Variants in COL8A1 observed in about 807,000 individuals in gnomAD.
The protein encoded by COL8A1 is collagen type VIII alpha 1 chain.
A neutral mutation model predicts 42.7 loss-of-function variants in COL8A1; 21 were observed. That is an observed-to-expected ratio of 0.49 (90% confidence interval 0.35 to 0.71). The LOEUF is 0.71. Ranked by LOEUF, COL8A1 falls within the 30% of genes least tolerant of loss-of-function variation. The pLI, the probability that COL8A1 is intolerant of heterozygous loss-of-function variation, is 0.01. For missense variants in COL8A1, 788 were observed against 962.4 expected (o/e 0.82, Z 2.40); for synonymous variants, 367 against 369.1 (o/e 0.99, Z 0.06).
intron 1 of COL8A1, among the ~76,000 whole-genome samples, chr3:99,661,459 C>A (rs1938203529): frequency 6.6e-6 from 1 of 152,010 alleles, no homozygotes; most frequent in Non-Finnish European, 1.5e-5. Context: ...AAAACAAAAA[C>A]CAGAAAATGA....
intron 2 of COL8A1, among the ~76,000 whole-genome samples, chr3:99,785,720 G>A (rs1941881516): frequency 1.3e-5 from 2 of 152,292 alleles, no homozygotes; most frequent in Admixed American, 1.3e-4. Flanking sequence ...ACAGACACAT[G>A]GAAGAAAGAC....
chr3:99,723,646 A>G (rs1174278961), intron 1 of COL8A1, among the ~76,000 whole-genome samples: 1 of 152,082 alleles, frequency 6.6e-6, no homozygotes, highest in Non-Finnish European at 1.5e-5. Context: ...TACAATTTTT[A>G]TTTTCCTTCT....
chr3:99,775,624 G>A (rs1941679756), intron 2 of COL8A1, among the ~76,000 whole-genome samples: 1 of 152,176 alleles, frequency 6.6e-6, no homozygotes, highest in African/African-American at 2.4e-5. Context: ...AACTGTGAGA[G>A]AGGCTTTGTG....
chr3:99,787,036 A>G (rs1459663621), intron 2 of COL8A1, among the ~76,000 whole-genome samples: 5 of 152,202 alleles, frequency 3.3e-5, no homozygotes, highest in Non-Finnish European at 5.9e-5. Flanking sequence ...AGACACACAT[A>G]CATACACAAA....
intron 2 of COL8A1, among the ~76,000 whole-genome samples, chr3:99,758,086 A>C (rs962898080): frequency 1.3e-5 from 2 of 152,172 alleles, no homozygotes; most frequent in Admixed American, 6.6e-5. Flanking sequence ...ACAGAGAGAT[A>C]AAATAAATCT....
In COL8A1 at chr3:99,743,501, G is replaced by C. The variant is rs374875629; in HGVS notation, c.-128-1396G>C. 3.3e-4 allele frequency among the ~76,000 whole-genome samples: 50 copies of C among 152,280 alleles called. 1 individual carries two copies. In the South Asian group the frequency reaches 0.01, roughly 31 times the overall value. ...ACTGCTTTTTTACAGTCATTTCGCAGATAGAAGACATTCAAGTACTTCCTC... is the reference window on the plus strand; with the variant it reads ...ACTGCTTTTTTACAGTCATTTCGCACATAGAAGACATTCAAGTACTTCCTC... On this transcript the variant is annotated intron_variant, in intron 1 of 3. Transcript: ENST00000652472.
intron 1 of COL8A1, among the ~76,000 whole-genome samples, chr3:99,663,670 T>C (rs1938276211): frequency 2.0e-5 from 3 of 152,136 alleles, no homozygotes; most frequent in African/African-American, 4.8e-5. Flanking sequence ...TTATGAGAAA[T>C]CTATACTAGA....
intron 1 of COL8A1, among the ~76,000 whole-genome samples, chr3:99,648,849 T>C (rs1447331966): frequency 6.6e-6 from 1 of 152,198 alleles, no homozygotes; most frequent in Non-Finnish European, 1.5e-5. Context: ...ATGACTTAAA[T>C]GTTTCCCCCA....
At chr3:99,737,170 A>G (rs28820982) in intron 1 of COL8A1, among the ~76,000 whole-genome samples, 14 of 152,022 alleles carry the variant, frequency 9.2e-5, no homozygotes, top group African/African-American at 2.7e-4. Flanking sequence ...CACTGATGCG[A>G]CTTGACTCTT....
Position 99,794,954 on chromosome 3 carries a change from G to A in COL8A1, c.1053G>A (p.Gly351=), listed in dbSNP as rs1942075286. ...LPGPPGLPGI[G]KPGFPGPKGD... ...GACCCCCAGGCCTTCCAGGGATTGG[G>A]AAACCAGGCTTCCCAGGACCCAAAG... The change falls in exon 4 of 4, where the codon GGG becomes GGA. Residue 351 remains glycine (G), a synonymous_variant. Transcript: ENST00000652472. The surrounding 1 kb of genome is among the most constrained non-coding windows in gnomAD (Gnocchi z 4.3). The A allele has an allele frequency of 6.3e-7, 1 of 1,594,452 alleles. No homozygotes were observed. The highest frequency in any genetic ancestry group is 1.4e-5 in the African/African-American group (1 of 73,912).
intron 1 of COL8A1, among the ~76,000 whole-genome samples, chr3:99,648,978 CA>C (rs2107286920): frequency 6.6e-6 from 1 of 152,100 alleles, no homozygotes; most frequent in Admixed American, 6.5e-5. Flanking sequence ...GTGCCAAAGA[CA>C]AAAAAGGAAA....
At chr3:99,731,281 G>T (rs1465826395) in intron 1 of COL8A1, among the ~76,000 whole-genome samples, 1 of 152,124 alleles carries the variant, frequency 6.6e-6, no homozygotes, top group Admixed American at 6.5e-5. Context: ...TTGAGGAAGT[G>T]ATATTCAAGA....
At chr3:99,717,322 T>G (rs992641572) in intron 1 of COL8A1, among the ~76,000 whole-genome samples, 5 of 152,036 alleles carry the variant, frequency 3.3e-5, no homozygotes, top group African/African-American at 1.2e-4. Context: ...AAGCACCATT[T>G]TCCCTTTCAG....
intron 2 of COL8A1, among the ~76,000 whole-genome samples, chr3:99,760,065 T>C (rs1941338024): frequency 5.9e-5 from 9 of 151,976 alleles, no homozygotes; most frequent in Admixed American, 5.9e-4. Flanking sequence ...CCACTTCTAC[T>C]AAAATGTCAG....
In COL8A1 at chr3:99,735,492, G is replaced by T. The variant is rs1032627323; in HGVS notation, c.-128-9405G>T. The stretch of plus-strand genomic sequence containing the variant: ...ATATTGAACCAGCCTTGCATCTCAG[G>T]GATGAAGCCCACTTGATCATGGTGG... On this transcript the variant is annotated intron_variant, in intron 1 of 3. Transcript: ENST00000652472. Among the ~76,000 whole-genome samples the T allele has an allele frequency of 3.5e-3, 503 of 145,082 alleles. 4 individuals are homozygous for T. The highest frequency in any genetic ancestry group is 0.013 in the African/African-American group (480 of 38,282).
intron 2 of COL8A1, among the ~76,000 whole-genome samples, chr3:99,784,300 T>C (rs1485023491): frequency 1.3e-5 from 2 of 152,164 alleles, no homozygotes; most frequent in Admixed American, 6.5e-5. Flanking sequence ...CATATAAATA[T>C]AGGATGGGGA....
At chr3:99,667,231 T>C (rs1938394103) in intron 1 of COL8A1, among the ~76,000 whole-genome samples, 1 of 152,196 alleles carries the variant, frequency 6.6e-6, no homozygotes, top group Non-Finnish European at 1.5e-5. Context: ...GTTCCTTGTT[T>C]TGAGCCATGG....
At chr3:99,761,260 C>T (rs1941359256) in intron 2 of COL8A1, among the ~76,000 whole-genome samples, 1 of 152,206 alleles carries the variant, frequency 6.6e-6, no homozygotes, top group South Asian at 2.1e-4. Context: ...CTCCAAAACA[C>T]TTACCATCTA....
In COL8A1 at chr3:99,784,138, G is replaced by C. The variant is rs1051148205; in HGVS notation, c.-3-6542G>C. 4.6e-5 allele frequency among the ~76,000 whole-genome samples: 7 copies of C among 152,198 alleles called. No individual in the cohort carries two copies. In the East Asian group the frequency reaches 1.3e-3, roughly 29 times the overall value. ...AGAAAACTGACTGTACAGTTAGATG[G>C]ATCTGTACCTTGTAAAACAAAGCTG... On this transcript the variant is annotated intron_variant, in intron 2 of 3. Transcript: ENST00000652472.
Sources: allele counts gnomAD v4.1 joint callset (sites outside exome capture counted in the v4.1 genomes callset), GRCh38; gene constraint gnomAD v4.1.1; non-coding constraint Gnocchi (gnomAD v3.1); transcripts MANE v1.5; gene names NCBI Gene and HGNC (gene_info 2026-07-23, HGNC 2026-07-21).